Variants in TACC2 observed in about 807,000 individuals in gnomAD.
The protein encoded by TACC2 is transforming acidic coiled-coil containing protein 2.
Under a neutral mutation model 227.3 loss-of-function variants are expected in TACC2, and 137 were observed. The ratio of observed to expected loss-of-function variants is 0.60; its 90% CI spans 0.52 to 0.69. The LOEUF is 0.69. TACC2 is among the 30% of genes least tolerant of loss of function. TACC2 has a pLI of 0.00. For synonymous variants in TACC2, 1,523 were observed against 1,487.5 expected (o/e 1.02, Z -0.55); for missense variants, 3,470 against 3,694.4 (o/e 0.94, Z 1.57).
chr10:122,147,875 C>G (rs2091576435), intron 7 of TACC2, among the ~76,000 whole-genome samples: 1 of 152,140 alleles, frequency 6.6e-6, no homozygotes, highest in South Asian at 2.1e-4. Flanking sequence ...CTGGGGCTCC[C>G]TGACAGCTGT....
chr10:122,172,780 G>T (rs1240674233), intron 7 of TACC2, among the ~76,000 whole-genome samples: 1 of 152,100 alleles, frequency 6.6e-6, no homozygotes, highest in African/African-American at 2.4e-5. Flanking sequence ...CCAGGCTCTT[G>T]TGGGAGGAGG....
rs140880473 is a variant in TACC2 at position 122,027,748 on chromosome 10, A to AT, written c.33+5749dup. Among the ~76,000 whole-genome samples the AT allele has an allele frequency of 4.7e-3, 671 of 142,950 alleles. 6 individuals are homozygous for AT. Among genetic ancestry groups the AT allele is most frequent in the African/African-American group, 0.014 (545 of 38,660 alleles). The allele number at this position is 142,950 out of a possible 152,430, so 93.8% of individuals were successfully genotyped here. A position where few individuals can be genotyped will look rare whatever the true frequency, so the allele number is the denominator to read the frequency against. Reference sequence around the variant, plus strand: ...CCATCTCTACACAATACTTTCTGGGATTTTTTTTTTTTTTTGACAGAGTCT... The same window carrying AT: ...CCATCTCTACACAATACTTTCTGGGATTTTTTTTTTTTTTTTGACAGAGTCT... On this transcript the variant is annotated intron_variant, in intron 2 of 22. Coordinates refer to ENST00000369005, the MANE Select transcript of TACC2 (RefSeq NM_206862.4).
chr10:122,178,808 A>G (rs549570757), intron 7 of TACC2, among the ~76,000 whole-genome samples: 1 of 152,292 alleles, frequency 6.6e-6, no homozygotes, highest in Admixed American at 6.5e-5. Flanking sequence ...TGAGCCTTAA[A>G]GTTTGAGGCT....
chr10:122,113,721 T>C (rs1333871307), intron 5 of TACC2, among the ~76,000 whole-genome samples: 2 of 152,232 alleles, frequency 1.3e-5, no homozygotes, highest in Non-Finnish European at 2.9e-5. Flanking sequence ...GCCATAAAAC[T>C]CTGCGCTGGA....
At position 122,112,326 on chromosome 10, in the gene TACC2, A is replaced by G. The variant is rs78490550; in HGVS notation, c.5574-20283A>G. On this transcript the variant is annotated intron_variant, in intron 5 of 22. Transcript: ENST00000369005. The stretch of plus-strand genomic sequence containing the variant: ...GTGAAGGAGTTAGTTAGGCCCTTAA[A>G]GGAAAACAGACCTCACATGCCAATA... 5.4e-3 allele frequency among the ~76,000 whole-genome samples: 825 copies of G among 152,336 alleles called. 3 individuals are homozygous for G. Among genetic ancestry groups the G allele is most frequent in the Non-Finnish European group, 8.2e-3 (556 of 68,036 alleles).
intron 8 of TACC2, among the ~76,000 whole-genome samples, chr10:122,197,662 T>C (rs773315952): frequency 1.3e-5 from 2 of 152,202 alleles, no homozygotes; most frequent in Non-Finnish European, 2.9e-5. Context: ...ATTACACCAA[T>C]TGGAGTGTTT....
chr10:122,196,792 T>C (rs1309661780), intron 8 of TACC2, among the ~76,000 whole-genome samples: 2 of 151,692 alleles, frequency 1.3e-5, no homozygotes, highest in African/African-American at 2.4e-5. Context: ...AAAAATTAGC[T>C]GGGCGTGGTG....
intron 8 of TACC2, among the ~76,000 whole-genome samples, chr10:122,203,623 C>T (rs1434674211): frequency 1.3e-5 from 2 of 152,044 alleles, no homozygotes; most frequent in Non-Finnish European, 2.9e-5. Flanking sequence ...AGACGCTCCT[C>T]ACTTCCCAGA....
chr10:122,151,888 C>T (rs995372469), intron 7 of TACC2, among the ~76,000 whole-genome samples: 1 of 152,282 alleles, frequency 6.6e-6, no homozygotes, highest in South Asian at 2.1e-4. Flanking sequence ...CAGTGGTGAC[C>T]CTGCAACGTG....
intron 7 of TACC2, among the ~76,000 whole-genome samples, chr10:122,165,928 A>C (rs548334412): frequency 2.9e-4 from 44 of 152,208 alleles, no homozygotes; most frequent in Non-Finnish European, 5.9e-4. Context: ...GCTCTTTCCC[A>C]GTCTAGAGGT....
intron 1 of TACC2, among the ~76,000 whole-genome samples, chr10:122,021,724 G>C (rs764306349): frequency 2.4e-4 from 37 of 152,138 alleles, no homozygotes; most frequent in Non-Finnish European, 4.4e-4. Flanking sequence ...TGCCAACCCC[G>C]GGGTGGGGAA....
chr10:122,013,951 C>T (rs1208661248), intron 1 of TACC2, among the ~76,000 whole-genome samples: 2 of 152,108 alleles, frequency 1.3e-5, no homozygotes, highest in Non-Finnish European at 2.9e-5. Context: ...TCTTCCAGCA[C>T]TAACAATCTA....
intron 7 of TACC2, among the ~76,000 whole-genome samples, chr10:122,184,012 T>C (rs1212919056): frequency 6.6e-6 from 1 of 152,192 alleles, no homozygotes; most frequent in Non-Finnish European, 1.5e-5. Context: ...AGTCAGGGAA[T>C]GATACCCATG....
chr10:122,165,678 G>GCC (rs1342757637), intron 7 of TACC2, among the ~76,000 whole-genome samples: 1 of 152,194 alleles, frequency 6.6e-6, no homozygotes, highest in African/African-American at 2.4e-5. Context: ...TGGTCCATAT[G>GCC]CCCCCGCCTG....
rs1236776851 is a variant in TACC2 at position 122,085,937 on chromosome 10, C to T, written c.3437C>T (p.Ala1146Val). The change falls in exon 4 of 23, where the codon GCT (alanine) becomes GTT (valine). Residue 1146 changes from alanine to valine, a missense_variant. By Grantham distance (64) the Ala-to-Val change is moderately conservative (BLOSUM62 0). Coordinates refer to ENST00000369005, the MANE Select transcript of TACC2 (RefSeq NM_206862.4). ...AGAGDPGKQQ[A>V]PEKPGEATLS... ...GCAGGAGACCCAGGAAAGCAGCAGG[C>T]TCCGGAGAAACCTGGAGAAGCTACT... 9.9e-6 allele frequency: 16 copies of T among 1,613,470 alleles called. No individual in the cohort carries two copies. Among genetic ancestry groups the T allele is most frequent in the South Asian group, 2.2e-5 (2 of 91,020 alleles).
At chr10:122,062,505 G>A (rs1469029762) in intron 3 of TACC2, among the ~76,000 whole-genome samples, 1 of 151,062 alleles carries the variant, frequency 6.6e-6, no homozygotes, top group Admixed American at 6.6e-5. Context: ...GTAGAGACAG[G>A]GTTTCTCCAT....
intron 7 of TACC2, among the ~76,000 whole-genome samples, chr10:122,175,156 T>C (rs2093643529): frequency 6.6e-6 from 1 of 152,128 alleles, no homozygotes. Context: ...GTTTCTGCCA[T>C]GTTGCCCAGG....
intron 7 of TACC2, among the ~76,000 whole-genome samples, chr10:122,155,283 C>T (rs936736982): frequency 6.6e-6 from 1 of 152,314 alleles, no homozygotes; most frequent in South Asian, 2.1e-4. Context: ...AGCTGGGAGA[C>T]GCCATCTCTG....
At chr10:122,132,801 G>A (rs550212378) in intron 6 of TACC2, 67 bp downstream of exon 6, 267 of 1,551,534 alleles carry the variant, frequency 1.7e-4, no homozygotes, top group Non-Finnish European at 2.3e-4. Context: ...GCCTTCCCCC[G>A]CTCCCCTCCC....
Sources: gnomAD v4.1 joint callset for allele counts (sites outside exome capture counted in the v4.1 genomes callset) on GRCh38, gnomAD v4.1.1 for gene constraint, MANE v1.5 for transcripts, NCBI Gene and HGNC (gene_info 2026-07-23, HGNC 2026-07-21) for gene names.